PDE11A: variants seen among roughly 807,000 people sequenced by gnomAD.
The protein encoded by PDE11A is phosphodiesterase 11A, also known as dual 3',5'-cyclic-AMP and -GMP phosphodiesterase 11A.
A neutral mutation model predicts 100.5 loss-of-function variants in PDE11A; 100 were observed. The observed-to-expected ratio is 1.00, with a 90% CI of 0.85 to 1.18. PDE11A has a LOEUF of 1.18. Ranked by LOEUF, PDE11A falls within the 50% of genes most tolerant of loss-of-function variation. PDE11A has a pLI of 0.00. For synonymous variants in PDE11A, 381 were observed against 420.8 expected (o/e 0.91, Z 1.16); for missense variants, 1,141 against 1,152.6 (o/e 0.99, Z 0.15).
chr2:177,637,382 G>A (rs982671576), intron 19 of PDE11A, among the ~76,000 whole-genome samples: 1 of 152,036 alleles, frequency 6.6e-6, no homozygotes, highest in Non-Finnish European at 1.5e-5. Context: ...CTGGTCTTCT[G>A]GTATGGAACC....
At chr2:178,085,069 C>T (rs1559067128) in intron 2 of PDE11A, among the ~76,000 whole-genome samples, 1 of 152,128 alleles carries the variant, frequency 6.6e-6, no homozygotes, top group Non-Finnish European at 1.5e-5. Flanking sequence ...GGAGCAAAAC[C>T]ACATCCAACC....
rs567621311 is a variant in PDE11A, at chr2:177,737,420, T to TACACAC, written c.1789-9254_1789-9249dup. Among the ~76,000 whole-genome samples the TACACAC allele has an allele frequency of 4.4e-4, 49 of 110,508 alleles. 6 individuals are homozygous for TACACAC. Among genetic ancestry groups the TACACAC allele is most frequent in the East Asian group, 3.3e-3 (10 of 3,052 alleles). The allele number at this position is 110,508 out of a possible 152,430, so 72.5% of individuals were successfully genotyped here. ...AGTGAAACCCCGTCTCTACTAAAAA[T>TACACAC]ACACACACACATACACACACACACA... On this transcript the variant is annotated intron_variant, in intron 10 of 19. Coordinates refer to ENST00000286063, the MANE Select transcript of PDE11A (RefSeq NM_016953.4).
At chr2:177,853,641 T>C (rs1342092096) in intron 5 of PDE11A, among the ~76,000 whole-genome samples, 6 of 10,292 alleles carry the variant, frequency 5.8e-4, no homozygotes, top group Admixed American at 1.3e-3. Context: ...CCTGCATATA[T>C]ATATATATAT....
intron 15 of PDE11A, among the ~76,000 whole-genome samples, chr2:177,689,750 C>T (rs1464504840): frequency 6.6e-6 from 1 of 152,108 alleles, no homozygotes; most frequent in Non-Finnish European, 1.5e-5. Flanking sequence ...TTGTTGATGG[C>T]ACAAATAAAA....
At chr2:177,775,334 C>T (rs1274756077) in intron 9 of PDE11A, among the ~76,000 whole-genome samples, 1 of 152,176 alleles carries the variant, frequency 6.6e-6, no homozygotes, top group Admixed American at 6.5e-5. Context: ...AGTGCCACTC[C>T]ATCCAATCAA....
chr2:178,084,221 A>C (rs2087321661), intron 2 of PDE11A, among the ~76,000 whole-genome samples: 1 of 152,260 alleles, frequency 6.6e-6, no homozygotes, highest in South Asian at 2.1e-4. Flanking sequence ...TAAAAAGACC[A>C]TGTTTATTCT....
chr2:177,885,980 A>G (rs140110993), intron 4 of PDE11A, among the ~76,000 whole-genome samples: 2 of 152,348 alleles, frequency 1.3e-5, no homozygotes, highest in East Asian at 3.9e-4. Context: ...AGCCATCAAG[A>G]TGATACATGA....
chr2:177,666,904 A>ATTTATTTATTTATTT (rs2080595785), intron 18 of PDE11A, among the ~76,000 whole-genome samples: 6 of 141,380 alleles, frequency 4.2e-5, no homozygotes, highest in East Asian at 2.0e-4. Flanking sequence ...GATAAAGTTC[A>ATTTATTTATTTATTT]ATTTATTTAT....
Position 177,972,480 on chromosome 2 carries a change from G to A in PDE11A, c.1071+41822C>T, listed in dbSNP as rs772886923. On this transcript the variant is annotated intron_variant, in intron 2 of 19. Coordinates refer to ENST00000286063, the MANE Select transcript of PDE11A (RefSeq NM_016953.4). ...AAGAATAAATGAAAATGGATGGAGT[G>A]GCCACATCAGGTGTAAAATCCTCCC... is the stretch of plus-strand genomic sequence containing the variant. Among the ~76,000 whole-genome samples, 11 of 152,144 alleles carry A rather than the reference G, an allele frequency of 7.2e-5. No homozygotes were observed. The East Asian group carries it at 2.1e-3, about 29-fold the overall frequency.
intron 1 of PDE11A, among the ~76,000 whole-genome samples, chr2:178,105,269 G>A (rs893604410): frequency 2.6e-5 from 4 of 152,116 alleles, no homozygotes; most frequent in Non-Finnish European, 5.9e-5. Context: ...AGATCAGCCC[G>A]GCCAAGATGG....
At chr2:177,857,113 A>C (rs2083848075) in intron 5 of PDE11A, among the ~76,000 whole-genome samples, 1 of 152,038 alleles carries the variant, frequency 6.6e-6, no homozygotes. Context: ...CTCCATGATC[A>C]GAAACTATAA....
At chr2:177,755,150 T>C (rs1226820518) in intron 10 of PDE11A, among the ~76,000 whole-genome samples, 4 of 152,202 alleles carry the variant, frequency 2.6e-5, no homozygotes, top group Non-Finnish European at 5.9e-5. Flanking sequence ...TGGACCAATT[T>C]AATTGGCATG....
intron 6 of PDE11A, among the ~76,000 whole-genome samples, chr2:177,826,813 C>T (rs1026624857): frequency 1.3e-5 from 2 of 152,194 alleles, no homozygotes; most frequent in Non-Finnish European, 2.9e-5. Flanking sequence ...GTAATTCTTA[C>T]GTTCACTGTC....
chr2:177,859,380 T>A (rs528358685), intron 5 of PDE11A, among the ~76,000 whole-genome samples: 4 of 151,750 alleles, frequency 2.6e-5, no homozygotes, highest in African/African-American at 9.6e-5. Flanking sequence ...ATGTGATATA[T>A]CTATACAATA....
intron 9 of PDE11A, among the ~76,000 whole-genome samples, chr2:177,803,072 T>TA (rs914500849): frequency 4.6e-5 from 7 of 151,274 alleles, no homozygotes; most frequent in South Asian, 2.1e-4. Flanking sequence ...AATGCTTTTG[T>TA]AAAAAAAAGA....
intron 2 of PDE11A, among the ~76,000 whole-genome samples, chr2:177,941,689 GTT>G (rs1274145466): frequency 1.3e-5 from 2 of 152,116 alleles, no homozygotes; most frequent in African/African-American, 4.8e-5. Context: ...TGCTGCCATG[GTT>G]ATTTTGGTGC....
intron 2 of PDE11A, among the ~76,000 whole-genome samples, chr2:177,984,658 C>A (rs1306720299): frequency 1.3e-5 from 2 of 151,982 alleles, no homozygotes; most frequent in African/African-American, 4.8e-5. Flanking sequence ...TCATTAGATG[C>A]CAGATATTGT....
At chr2:178,058,795 A>C (rs1401526101) in intron 1 of PDE11A, among the ~76,000 whole-genome samples, 4 of 152,204 alleles carry the variant, frequency 2.6e-5, no homozygotes, top group Non-Finnish European at 4.4e-5. Context: ...AGCCAAAATT[A>C]AAGCAACCAA....
At chr2:177,768,405 C>T (rs1302288565) in intron 10 of PDE11A, among the ~76,000 whole-genome samples, 2 of 152,202 alleles carry the variant, frequency 1.3e-5, no homozygotes, top group Non-Finnish European at 2.9e-5. Flanking sequence ...AAGTGTCCAT[C>T]ACCAAGTGAT....
Sources: gnomAD v4.1 joint callset for allele counts (sites outside exome capture counted in the v4.1 genomes callset) on GRCh38, gnomAD v4.1.1 for gene constraint, MANE v1.5 for transcripts, NCBI Gene and HGNC (gene_info 2026-07-23, HGNC 2026-07-21) for gene names.